NFASC: variants seen among roughly 807,000 people sequenced by gnomAD.
NFASC encodes neurofascin, also known as neurofascin homolog.
In NFASC, 43 loss-of-function variants were observed where a neutral mutation model predicts 147.5. That is an observed-to-expected ratio of 0.29 (90% confidence interval 0.23 to 0.38). The LOEUF (loss-of-function observed/expected upper bound fraction) is 0.38, where lower values mean the gene tolerates loss of function less well. NFASC is among the 10% of genes least tolerant of loss of function. NFASC has a pLI of 1.00. For synonymous variants in NFASC, 622 were observed against 665.5 expected, an observed-to-expected ratio of 0.93 and a Z score of 1.01; for missense variants, 1,320 against 1,689.0, an observed-to-expected ratio of 0.78 and a Z score of 3.83.
At chr1:204,912,575 C>T (rs1410346855) in intron 1 of NFASC, among the ~76,000 whole-genome samples, 2 of 151,994 alleles carry the variant, frequency 1.3e-5, no homozygotes, top group Non-Finnish European at 2.9e-5. Flanking sequence ...CGGTGGCAAG[C>T]ATCTGTGGTC....
At chr1:204,864,661 G>A (rs2076974492) in intron 1 of NFASC, among the ~76,000 whole-genome samples, 1 of 152,038 alleles carries the variant, frequency 6.6e-6, no homozygotes, top group South Asian at 2.1e-4. Flanking sequence ...GTGCTTCTTG[G>A]CCATTTATGT....
intron 2 of NFASC, among the ~76,000 whole-genome samples, chr1:204,920,963 T>A (rs1328399399): frequency 6.6e-6 from 1 of 152,164 alleles, no homozygotes; most frequent in Non-Finnish European, 1.5e-5. Context: ...GGGTAGCGTT[T>A]AAGCCTTCCC....
Position 204,835,705 on chromosome 1 carries a change from C to T in NFASC, c.-200+6923C>T, listed in dbSNP as rs142288799. On this transcript the variant is annotated intron_variant, in intron 1 of 29. Coordinates refer to ENST00000339876, the MANE Select transcript of NFASC (RefSeq NM_001005388.3). ...GTGTGTCTGGAGCAGTATATGGAGA[C>T]AAAAATCATAGAGAACCCTGAGTGC... 3.5e-3 allele frequency among the ~76,000 whole-genome samples: 535 copies of T among 152,166 alleles called. 21 individuals carry two copies. The highest frequency in any genetic ancestry group is 0.027 in the Admixed American group (409 of 15,276).
chr1:204,977,607 C>A, intron 16 of NFASC, 74 bp from the exon 17 acceptor site: 1 of 1,444,132 alleles, frequency 6.9e-7, no homozygotes, highest in Non-Finnish European at 9.6e-7. Context: ...CCTCGGCTGC[C>A]TACCCCCATC....
At chr1:204,935,244 G>C (rs1291700169) in intron 2 of NFASC, among the ~76,000 whole-genome samples, 2 of 152,190 alleles carry the variant, frequency 1.3e-5, no homozygotes, top group Non-Finnish European at 2.9e-5. Flanking sequence ...GGAAAGAAGA[G>C]TGATTGCCGT....
intron 19 of NFASC, among the ~76,000 whole-genome samples, chr1:204,980,106 G>C (rs1026404225): frequency 6.6e-6 from 1 of 152,228 alleles, no homozygotes. Flanking sequence ...ACCACCCACA[G>C]TGTGGAAAGC....
chr1:204,944,458 G>A (rs536174751), intron 3 of NFASC, 52 bp downstream of exon 3: 4 of 1,175,624 alleles, frequency 3.4e-6, no homozygotes, highest in African/African-American at 1.5e-5. Flanking sequence ...TGGGCAGAGG[G>A]GTGGGAGGGG....
intron 2 of NFASC, among the ~76,000 whole-genome samples, chr1:204,927,678 G>A (rs1389327106): frequency 6.6e-6 from 1 of 151,952 alleles, no homozygotes; most frequent in East Asian, 1.9e-4. Flanking sequence ...TTAGGGACCT[G>A]TCACACAAGA....
In NFASC at chr1:204,979,021, G is replaced by C. The variant is rs753976926; in HGVS notation, c.1930G>C (p.Val644Leu). Reference protein sequence around the residue: ...LELTDLAERSVRLTWIPGDAN... With the variant: ...LELTDLAERSLRLTWIPGDAN... ...GCTGACCGACCTGGCCGAGAGGAGCGTGCGGCTGACCTGGATCCCCGGGGA... is the reference window on the plus strand; with the variant it reads ...GCTGACCGACCTGGCCGAGAGGAGCCTGCGGCTGACCTGGATCCCCGGGGA... The change falls in exon 18 of 30, where the codon GTG becomes CTG. Residue 644 changes from valine to leucine, a missense_variant. Val to Leu is a conservative substitution (Grantham distance 32). Coordinates refer to ENST00000339876, the MANE Select transcript of NFASC (RefSeq NM_001005388.3). The surrounding 1 kb of genome is among the most constrained non-coding windows in gnomAD (Gnocchi z 6.0). 4 of 1,565,194 alleles carry C rather than the reference G, an allele frequency of 2.6e-6. No individual in the cohort carries two copies. The East Asian group carries it at 9.5e-5, about 37-fold the overall frequency.
Position 204,897,118 on chromosome 1 carries a change from T to A in NFASC, c.-199-23514T>A, listed in dbSNP as rs149002245. 7.7e-4 allele frequency among the ~76,000 whole-genome samples: 117 copies of A among 151,588 alleles called. 1 individual carries two copies. The highest frequency in any genetic ancestry group is 5.0e-3 in the South Asian group (24 of 4,782). On this transcript the variant is annotated intron_variant, in intron 1 of 29. Transcript: ENST00000339876. The stretch of plus-strand genomic sequence containing the variant: ...TGCATTTTAACAAGGTCACTGGGTG[T>A]TTCATTCATGTGTACATTGAAGTTT...
chr1:205,000,150 G>A (rs954515370), intron 25 of NFASC: 2 of 152,140 alleles, frequency 1.3e-5, no homozygotes, highest in African/African-American at 4.8e-5. Context: ...TCAAAAACTC[G>A]GTGGTGCTGA....
intron 1 of NFASC, among the ~76,000 whole-genome samples, chr1:204,878,692 G>A (rs547943279): frequency 6.6e-6 from 1 of 152,360 alleles, no homozygotes; most frequent in South Asian, 2.1e-4. Flanking sequence ...TCATCCAGCG[G>A]ATTCTTCTCT....
chr1:205,000,913 A>G (rs2095967800), intron 25 of NFASC: 1 of 531,536 alleles, frequency 1.9e-6, no homozygotes, highest in African/African-American at 1.9e-5. Flanking sequence ...CTCCCTCCGA[A>G]GTCCTCCCGA....
chr1:205,016,465 G>A lies in NFASC; in HGVS notation c.3649G>A (p.Asp1217Asn). ...SFIGQYTVKK[D>N]KEETEGNESS... ...CATCGGCCAGTACACGGTCAAAAAG[G>A]ACAAGGAGGAAACAGAGGGCAACGA... The change falls in exon 30 of 30, where the codon GAC (aspartate) becomes AAC (asparagine). Residue 1217 changes from aspartate (D) to asparagine (N), a missense_variant. Transcript: ENST00000339876. This position sits in a 1 kb window ranked among gnomAD's most constrained non-coding sequence, Gnocchi z 5.1. 1 of 1,614,168 alleles carries A rather than the reference G, an allele frequency of 6.2e-7. No individual in the cohort carries two copies. The highest frequency in any genetic ancestry group is 8.5e-7 in the Non-Finnish European group (1 of 1,180,034).
At chr1:204,956,492 A>G (rs1338329671) in intron 7 of NFASC, among the ~76,000 whole-genome samples, 1 of 152,232 alleles carries the variant, frequency 6.6e-6, no homozygotes, top group African/African-American at 2.4e-5. Flanking sequence ...GCAGGCTTCA[A>G]GGCTCAGCTT....
chr1:204,948,583 A>T, intron 3 of NFASC: 1 of 425,656 alleles, frequency 2.3e-6, no homozygotes, highest in Admixed American at 2.2e-5. Context: ...ATTTGTTAAA[A>T]ACAAAACAAA....
intron 1 of NFASC, among the ~76,000 whole-genome samples, chr1:204,874,976 A>G (rs1318002786): frequency 6.6e-6 from 1 of 152,176 alleles, no homozygotes; most frequent in Non-Finnish European, 1.5e-5. Context: ...GGCAAATACC[A>G]CAATCCCCAT....
chr1:204,874,536 C>T (rs953432300), intron 1 of NFASC, among the ~76,000 whole-genome samples: 6 of 152,202 alleles, frequency 3.9e-5, no homozygotes, highest in African/African-American at 1.4e-4. Context: ...GCCCTGCCCC[C>T]GGTTCCCATT....
intron 1 of NFASC, among the ~76,000 whole-genome samples, chr1:204,845,565 C>A (rs771684617): frequency 6.6e-6 from 1 of 151,918 alleles, no homozygotes; most frequent in East Asian, 1.9e-4. Flanking sequence ...ATCTGTGGTA[C>A]CTAGAAAGAC....
Sources: gnomAD v4.1 joint callset for allele counts (sites outside exome capture counted in the v4.1 genomes callset) on GRCh38, gnomAD v4.1.1 for gene constraint, Gnocchi (gnomAD v3.1) non-coding constraint, MANE v1.5 for transcripts, NCBI Gene and HGNC (gene_info 2026-07-23, HGNC 2026-07-21) for gene names.